IL17RB: variants seen among roughly 807,000 people sequenced by gnomAD.
The protein encoded by IL17RB is interleukin-17 receptor B.
A neutral mutation model predicts 43.9 loss-of-function variants in IL17RB; 36 were observed. The observed-to-expected ratio is 0.82, with a 90% CI of 0.63 to 1.08. The LOEUF is 1.08. Ranked by LOEUF, IL17RB falls within the 50% of genes least tolerant of loss-of-function variation. The pLI, the probability that IL17RB is intolerant of heterozygous loss-of-function variation, is 0.00. For missense variants in IL17RB, 613 were observed against 613.6 expected (o/e 1.00, Z 0.01); for synonymous variants, 225 against 225.4 (o/e 1.00, Z 0.02).
chr3:53,857,044 G>A (rs1460558838), intron 7 of IL17RB, 58 bp downstream of exon 7: 14 of 1,564,628 alleles, frequency 8.9e-6, no homozygotes, highest in Non-Finnish European at 9.7e-6. Flanking sequence ...GTGTGTTGAA[G>A]GAAAATGGGG....
chr3:53,857,467 A>C, intron 7 of IL17RB, 149 bp from the exon 8 acceptor site: 1 of 681,334 alleles, frequency 1.5e-6, no homozygotes, highest in South Asian at 1.7e-5. Context: ...TTTCATCTTT[A>C]GTAGAGACGG....
chr3:53,861,331 G>T (rs1377375644), intron 10 of IL17RB: 1 of 151,650 alleles, frequency 6.6e-6, no homozygotes. Context: ...AAGCCAAATT[G>T]CTTGATATGT....
chr3:53,849,651 C>G lies in IL17RB; in HGVS notation c.86-4C>G, dbSNP rs1343736382. On this transcript the variant is annotated splice_region_variant and splice_polypyrimidine_tract_variant and intron_variant, in intron 2 of 10. Transcript: ENST00000288167. The stretch of plus-strand genomic sequence containing the variant: ...AGTGTCATGGAAGTCTTGCTTTTTC[C>G]CAGGGCCATCTCCAGAGTGGATGCT... 14 of 1,592,072 alleles carry G rather than the reference C, an allele frequency of 8.8e-6. No homozygotes were observed. The highest frequency in any genetic ancestry group is 1.2e-5 in the Non-Finnish European group (14 of 1,168,178).
At chr3:53,850,528 G>A (rs1699101140) in intron 3 of IL17RB, among the ~76,000 whole-genome samples, 1 of 150,308 alleles carries the variant, frequency 6.7e-6, no homozygotes, top group African/African-American at 2.4e-5. Flanking sequence ...AAAAGACCAG[G>A]CGTGGTGGCG....
intron 1 of IL17RB, 81 bp from the exon 2 acceptor site, chr3:53,848,583 A>G: frequency 7.4e-7 from 1 of 1,352,374 alleles, no homozygotes; most frequent in Non-Finnish European, 1.1e-6. Context: ...TAAGGGGAAA[A>G]TGGTGTTCTG....
rs1699328836 is a variant in IL17RB, at chr3:53,856,244, T to C, written c.530-600T>C. Among the ~76,000 whole-genome samples the C allele has an allele frequency of 2.0e-5, 3 of 152,238 alleles. No individual in the cohort carries two copies. In the South Asian group the frequency reaches 6.2e-4, roughly 32 times the overall value. ...AGAAGATAATTTCTGCTGTTATACA[T>C]TGTTGTTCCTGGAAATCAGTCCAGT... On this transcript the variant is annotated intron_variant, in intron 6 of 10. Coordinates refer to ENST00000288167, the MANE Select transcript of IL17RB (RefSeq NM_018725.4).
chr3:53,863,819 GTAT>G (rs766046259), intron 10 of IL17RB, among the ~76,000 whole-genome samples: 1 of 104,692 alleles, frequency 9.6e-6, no homozygotes, highest in Non-Finnish European at 1.8e-5. Context: ...ACACCTCAAA[GTAT>G]TTTTTTTTTT....
At chr3:53,847,131 C>T (rs1429664917) in intron 1 of IL17RB, among the ~76,000 whole-genome samples, 2 of 152,138 alleles carry the variant, frequency 1.3e-5, no homozygotes. Flanking sequence ...TCCCCAGTAC[C>T]CTGAATGATC....
At chr3:53,851,114 T>G (rs1250909386) in intron 3 of IL17RB, among the ~76,000 whole-genome samples, 1 of 152,346 alleles carries the variant, frequency 6.6e-6, no homozygotes, top group South Asian at 2.1e-4. Context: ...TTCCCCAAGA[T>G]TGTGCTGCAA....
Position 53,857,050 on chromosome 3 carries a change from T to C in IL17RB, c.672+64T>C, listed in dbSNP as rs945416747. On this transcript the variant is annotated intron_variant, in intron 7 of 10. Transcript: ENST00000288167. ...CTTTCCTTAGTGTGTTGAAGGAAAA[T>C]GGGGACAGTGTTGTCCAAACGTGCT... The C allele has an allele frequency of 3.9e-6, 6 of 1,550,634 alleles. No individual in the cohort carries two copies. In the African/African-American group the frequency reaches 6.8e-5, roughly 18 times the overall value.
At chr3:53,851,530 G>A (rs1250886496) in intron 3 of IL17RB, among the ~76,000 whole-genome samples, 1 of 152,158 alleles carries the variant, frequency 6.6e-6, no homozygotes, top group Admixed American at 6.5e-5. Flanking sequence ...AACTTGAAGA[G>A]GTAGATAATG....
At chr3:53,849,537 A>AT (rs1699056195) in intron 2 of IL17RB, 118 bp from the exon 3 acceptor site, 1 of 975,286 alleles carries the variant, frequency 1.0e-6, no homozygotes, top group African/African-American at 1.7e-5. Flanking sequence ...TAATTAAAAA[A>AT]AAAAGAAGTG....
chr3:53,851,315 G>A (rs991792911), intron 3 of IL17RB, among the ~76,000 whole-genome samples: 1 of 152,178 alleles, frequency 6.6e-6, no homozygotes, highest in East Asian at 1.9e-4. Flanking sequence ...GCAGACACAG[G>A]CACAATGTCA....
chr3:53,852,248 C>T (rs1329026881), intron 4 of IL17RB, 122 bp downstream of exon 4: 4 of 884,728 alleles, frequency 4.5e-6, no homozygotes, highest in East Asian at 5.4e-5. Flanking sequence ...CTCAAGCGAT[C>T]GTTCTACTTC....
Position 53,852,915 on chromosome 3 carries a change from C to A in IL17RB, c.399C>A (p.Val133=). ...GCTTCCCTGTAGAGCTGAACACAGTCTATTTCATTGGGGCCCATAATATTC... is the reference window on the plus strand; with the variant it reads ...GCTTCCCTGTAGAGCTGAACACAGTATATTTCATTGGGGCCCATAATATTC... ...YIGFPVELNT[V]YFIGAHNIPN... The change falls in exon 5 of 11, where the codon GTC becomes GTA. Residue 133 remains valine (V), a synonymous_variant. Transcript: ENST00000288167. 3 of 1,613,682 alleles carry A rather than the reference C, an allele frequency of 1.9e-6. No individual in the cohort carries two copies. Among genetic ancestry groups the A allele is most frequent in the Non-Finnish European group, 2.5e-6 (3 of 1,179,540 alleles).
At chr3:53,847,029 G>T (rs1479819020) in intron 1 of IL17RB, among the ~76,000 whole-genome samples, 1 of 152,208 alleles carries the variant, frequency 6.6e-6, no homozygotes, top group Non-Finnish European at 1.5e-5. Context: ...CTGCTCACCT[G>T]TTGGGGCACA....
chr3:53,863,811 A>G (rs1247348843), intron 10 of IL17RB, among the ~76,000 whole-genome samples: 1 of 135,530 alleles, frequency 7.4e-6, no homozygotes, highest in Non-Finnish European at 1.5e-5. Flanking sequence ...ACAATCACAC[A>G]CCTCAAAGTA....
At chr3:53,859,633 TAAAG>T (rs1699485277) in intron 9 of IL17RB, 1 of 153,262 alleles carries the variant, frequency 6.5e-6, no homozygotes, top group African/African-American at 2.4e-5. Context: ...ATTAATTCCT[TAAAG>T]AACCAAAAAA....
At chr3:53,858,451 GC>G in intron 8 of IL17RB, 1 of 1,275,086 alleles carries the variant, frequency 7.8e-7, no homozygotes, top group Non-Finnish European at 1.0e-6. Flanking sequence ...ATATGACCTA[GC>G]CCTTTTAGGT....
Sources: allele counts gnomAD v4.1 joint callset (sites outside exome capture counted in the v4.1 genomes callset), GRCh38; gene constraint gnomAD v4.1.1; transcripts MANE v1.5; gene names NCBI Gene and HGNC (gene_info 2026-07-23, HGNC 2026-07-21).